The following GGT5 variants were observed in gnomAD, a reference collection of about 807,000 sequenced individuals.
GGT5 encodes gamma-glutamyltransferase 5, also known as glutathione hydrolase 5 proenzyme.
GGT5 carries 50 observed loss-of-function variants against 58.1 expected under a neutral mutation model. The ratio of observed to expected loss-of-function variants is 0.86; its 90% CI spans 0.69 to 1.09. The LOEUF is 1.09. Ranked by LOEUF, GGT5 falls within the 50% of genes least tolerant of loss-of-function variation. The probability of loss-of-function intolerance (pLI) is 0.00; values close to 1 mark genes in which losing one functional copy is unlikely to be tolerated. For synonymous variants in GGT5, 370 were observed against 346.1 expected (o/e 1.07, Z -0.77); for missense variants, 800 against 789.4 (o/e 1.01, Z -0.16).
chr22:24,239,502 T>C (rs2048271858), intron 1 of GGT5, among the ~76,000 whole-genome samples: 1 of 152,046 alleles, frequency 6.6e-6, no homozygotes, highest in Admixed American at 6.6e-5. Context: ...TGCACTGAAA[T>C]AATGTAGGGT....
chr22:24,225,012 T>A lies in GGT5; in HGVS notation c.1598A>T (p.Glu533Val). 1 of 1,593,194 alleles carries A rather than the reference T, an allele frequency of 6.3e-7. No homozygotes were observed. Among genetic ancestry groups the A allele is most frequent in the Non-Finnish European group, 8.6e-7 (1 of 1,169,066 alleles). The part of the protein sequence containing the change: ...HVNSKGCVEY[E>V]PNFSQEVQRG... ...CAGCCTCACCTGGCTGAAGTTGGGC[T>A]CGTACTCCACACAGCCCTTGCTGTT... is the stretch of plus-strand genomic sequence containing the variant. Residue 533 changes from glutamate to valine, a missense_variant, in exon 11 of 12, where the codon GAG becomes GTG. Transcript: ENST00000327365.
chr22:24,225,141 G>T, intron 10 of GGT5, 35 bp from the exon 11 acceptor site: 1 of 1,570,120 alleles, frequency 6.4e-7, no homozygotes, highest in Non-Finnish European at 8.7e-7. Flanking sequence ...GGAGAAAGGG[G>T]GCACCCTGCT....
chr22:24,240,491 C>T (rs1385418776), intron 1 of GGT5, among the ~76,000 whole-genome samples: 1 of 144,134 alleles, frequency 6.9e-6, no homozygotes, highest in African/African-American at 2.5e-5. Context: ...AGCTGTATAA[C>T]TTTTTTTTTT....
At chr22:24,238,827 ATATATTTATATATATAT>A (rs2048205444) in intron 1 of GGT5, among the ~76,000 whole-genome samples, 1 of 11,082 alleles carries the variant, frequency 9.0e-5, no homozygotes, top group African/African-American at 5.3e-4. Context: ...ATATATATAT[ATATATTTATATATATAT>A]ATTATATATA....
chr22:24,244,749 G>C lies in GGT5; in HGVS notation c.-24C>G, dbSNP rs370556299. The C allele has an allele frequency of 2.8e-5, 44 of 1,587,124 alleles. No individual in the cohort carries two copies. Among genetic ancestry groups the C allele is most frequent in the Non-Finnish European group, 3.4e-5 (40 of 1,164,848 alleles). ...ATGGCTCTGCAGCCCAGGAGGAGAG[G>C]GGCGGCTGGTGGGCAGACGGAGGGA... is the stretch of plus-strand genomic sequence containing the variant. On this transcript the variant is annotated 5_prime_UTR_variant, in exon 1 of 12. Coordinates refer to ENST00000327365, the MANE Select transcript of GGT5 (RefSeq NM_004121.5).
At chr22:24,233,449 G>C in intron 3 of GGT5, 49 bp downstream of exon 3, 1 of 1,074,964 alleles carries the variant, frequency 9.3e-7, no homozygotes, top group Non-Finnish European at 1.4e-6. Context: ...GTTCTGATTA[G>C]TCCTAGTGGC....
intron 8 of GGT5, 82 bp from the exon 9 acceptor site, chr22:24,225,734 C>G: frequency 1.2e-6 from 1 of 842,194 alleles, no homozygotes; most frequent in Non-Finnish European, 2.0e-6. Context: ...CTTTGCAGGA[C>G]CCCCTCGTTT....
Position 24,244,622 on chromosome 22 carries a change from G to T in GGT5, c.104C>A (p.Pro35Gln). The T allele has an allele frequency of 6.2e-7, 1 of 1,612,848 alleles. No homozygotes were observed. Among genetic ancestry groups the T allele is most frequent in the South Asian group, 1.1e-5 (1 of 91,026 alleles). The change falls in exon 1 of 12, where the codon CCA becomes CAA. Residue 35 changes from proline to glutamine, a missense_variant. Pro to Gln is a moderately conservative substitution (Grantham distance 76). Coordinates refer to ENST00000327365, the MANE Select transcript of GGT5 (RefSeq NM_004121.5). ...LAVVLSRHQA[P>Q]CGPQAFAHAA... ...GTGGGCAAAGGCCTGGGGGCCACAT[G>T]GGGCCTGGTGTCGAGAGAGGACCAC...
intron 1 of GGT5, chr22:24,243,807 C>A (rs999760180): frequency 3.9e-5 from 6 of 152,170 alleles, no homozygotes; most frequent in Non-Finnish European, 8.8e-5. Context: ...GTATCAGTCA[C>A]TCAGCTCACG....
At position 24,225,421 on chromosome 22, in the gene GGT5, A is replaced by G. The variant is rs748071790; in HGVS notation, c.1337-10T>C. The G allele has an allele frequency of 1.9e-6, 3 of 1,605,518 alleles. No homozygotes were observed. In the Admixed American group the frequency reaches 5.0e-5, roughly 27 times the overall value. On this transcript the variant is annotated splice_polypyrimidine_tract_variant and intron_variant, in intron 9 of 11. Coordinates refer to ENST00000327365, the MANE Select transcript of GGT5 (RefSeq NM_004121.5). The stretch of plus-strand genomic sequence containing the variant: ...ACCCTGTCTCCACTCACTGCTGAGC[A>G]AACAGCGTCTTGGCAAGTGCAGTGA...
intron 11 of GGT5, among the ~76,000 whole-genome samples, chr22:24,221,679 T>G (rs2047593978): frequency 6.6e-6 from 1 of 152,144 alleles, no homozygotes; most frequent in South Asian, 2.1e-4. Context: ...GCCCAGCTAA[T>G]TTTTGTAATT....
At chr22:24,225,806 C>T (rs1601381702) in intron 8 of GGT5, among the ~76,000 whole-genome samples, 154 bp from the exon 9 acceptor site, 1 of 152,042 alleles carries the variant, frequency 6.6e-6, no homozygotes, top group African/African-American at 2.4e-5. Context: ...CAGGAGGGGT[C>T]CCCAAAGACC....
Position 24,225,520 on chromosome 22 carries a change from C to A in GGT5, c.1336+26G>T, listed in dbSNP as rs1350755526. 4 of 1,592,638 alleles carry A rather than the reference C, an allele frequency of 2.5e-6. 1 individual carries two copies. The Middle Eastern group carries it at 5.0e-4, about 199-fold the overall frequency. On this transcript the variant is annotated intron_variant, in intron 9 of 11. Transcript: ENST00000327365. ...TCCCCTGGTGGGGGGCCCTTGTGGA[C>A]CCCGGGTGGGAAGCTTTGTTCTCAC... is the stretch of plus-strand genomic sequence containing the variant.
chr22:24,233,145 G>A, intron 3 of GGT5, 127 bp from the exon 4 acceptor site: 2 of 696,406 alleles, frequency 2.9e-6, no homozygotes, highest in Non-Finnish European at 2.3e-6. Context: ...ACCCGACCAC[G>A]TCCCTCCCTG....
intron 1 of GGT5, among the ~76,000 whole-genome samples, chr22:24,238,869 TATATAATATATATTATATATTTTATA>T (rs1569372037): frequency 1.9e-3 from 23 of 11,832 alleles, no homozygotes; most frequent in African/African-American, 0.012. Flanking sequence ...ATATATAATA[TATATAATATATATTATATATTTTATA>T]TATATATATA....
intron 1 of GGT5, chr22:24,244,295 G>GCGCGCA (rs1556060769): frequency 2.6e-6 from 1 of 380,010 alleles, no homozygotes; most frequent in Non-Finnish European, 4.8e-6. Flanking sequence ...CAGTGCACGT[G>GCGCGCA]CACACACACA....
intron 1 of GGT5, among the ~76,000 whole-genome samples, chr22:24,238,831 ATTTAT>A (rs1362233090): frequency 2.2e-4 from 2 of 9,066 alleles, no homozygotes; most frequent in East Asian, 3.8e-3. Context: ...ATATATATAT[ATTTAT>A]ATATATATAT....
chr22:24,243,343 G>A (rs2048375378), intron 1 of GGT5: 1 of 152,298 alleles, frequency 6.6e-6, no homozygotes, highest in African/African-American at 2.4e-5. Flanking sequence ...TTGTCCCTGA[G>A]CTGCCATTCT....
intron 1 of GGT5, among the ~76,000 whole-genome samples, chr22:24,238,819 AT>A (rs2048200351): frequency 7.4e-5 from 1 of 13,480 alleles, no homozygotes; most frequent in African/African-American, 4.1e-4. Flanking sequence ...TATATTATAT[AT>A]ATATATATAT....
Sources: allele counts gnomAD v4.1 joint callset (sites outside exome capture counted in the v4.1 genomes callset), GRCh38; gene constraint gnomAD v4.1.1; transcripts MANE v1.5; gene names NCBI Gene and HGNC (gene_info 2026-07-23, HGNC 2026-07-21).